Variants in ABCB7 observed in about 807,000 individuals in gnomAD.
The protein encoded by ABCB7 is ATP binding cassette subfamily B member 7.
A neutral mutation model predicts 54.4 loss-of-function variants in ABCB7; 7 were observed. That is an observed-to-expected ratio of 0.13 (90% CI 0.07 to 0.24). The LOEUF (loss-of-function observed/expected upper bound fraction) is 0.24, where lower values mean the gene tolerates loss of function less well. Ranked by LOEUF, ABCB7 falls within the 10% of genes least tolerant of loss-of-function variation. The pLI is 1.00. For missense variants in ABCB7, 356 were observed against 570.4 expected (o/e 0.62, Z 3.83); for synonymous variants, 218 against 207.1 (o/e 1.05, Z -0.45).
chrX:75,069,489 C>T (rs767219272), intron 10 of ABCB7, 35 bp from the exon 11 acceptor site: 1 of 1,181,403 alleles, frequency 8.5e-7, no homozygotes, highest in South Asian at 1.8e-5. Flanking sequence ...CCACTTTACG[C>T]ACTGCCTAGA....
intron 3 of ABCB7, among the ~76,000 whole-genome samples, chrX:75,108,668 C>T (rs2081727257): frequency 9.3e-6 from 1 of 107,841 alleles, no homozygotes; most frequent in Non-Finnish European, 1.9e-5. Flanking sequence ...ATTTTATTTA[C>T]TTTTTTTTCA....
At chrX:75,110,351 A>C (rs1032232726) in intron 3 of ABCB7, among the ~76,000 whole-genome samples, 18 of 111,966 alleles carry the variant, frequency 1.6e-4, no homozygotes, top group African/African-American at 5.5e-4. Flanking sequence ...TCACCATGTC[A>C]TCCAGGTATG....
chrX:75,109,880 C>T (rs1212043183), intron 3 of ABCB7, among the ~76,000 whole-genome samples: 1 of 111,607 alleles, frequency 9.0e-6, no homozygotes, highest in African/African-American at 3.3e-5. Context: ...TTAAAGATAA[C>T]AATGGATTTA....
At chrX:75,130,933 TAA>T (rs912129949) in intron 1 of ABCB7, among the ~76,000 whole-genome samples, 2 of 110,604 alleles carry the variant, frequency 1.8e-5, no homozygotes, top group Non-Finnish European at 3.8e-5. Context: ...TTTACAAAAA[TAA>T]AGAGATTCAT....
At chrX:75,124,641 T>A (rs757227980) in intron 1 of ABCB7, among the ~76,000 whole-genome samples, 1 of 111,820 alleles carries the variant, frequency 8.9e-6, no homozygotes, top group South Asian at 3.8e-4. Context: ...TGGGGACGAA[T>A]GTACAAAGAG....
intron 15 of ABCB7, among the ~76,000 whole-genome samples, chrX:75,058,729 G>A (rs2081260703): frequency 9.0e-6 from 1 of 111,521 alleles, no homozygotes; most frequent in African/African-American, 3.3e-5. Flanking sequence ...TATAGATACT[G>A]TGAATTACAT....
intron 1 of ABCB7, among the ~76,000 whole-genome samples, chrX:75,128,229 T>C (rs943345862): frequency 9.0e-5 from 10 of 111,528 alleles, no homozygotes; most frequent in African/African-American, 9.8e-5. Context: ...CAAAACAGCA[T>C]GATACTGGTA....
At chrX:75,104,773 C>A (rs1402947238) in intron 3 of ABCB7, among the ~76,000 whole-genome samples, 1 of 111,335 alleles carries the variant, frequency 9.0e-6, no homozygotes, top group Non-Finnish European at 1.9e-5. Context: ...GGCCAATATC[C>A]CTGATGAACA....
In ABCB7 at chrX:75,107,140, A is replaced by C. The variant is rs1341751838; in HGVS notation, c.333+5746T>G. Among the ~76,000 whole-genome samples, 10 of 111,579 alleles carry C rather than the reference A, an allele frequency of 9.0e-5. No individual in the cohort carries two copies. In the East Asian group the frequency reaches 1.1e-3, roughly 13 times the overall value. On this transcript the variant is annotated intron_variant, in intron 3 of 15. Coordinates refer to ENST00000373394, the MANE Select transcript of ABCB7 (RefSeq NM_001271696.3). ...AGAAAGGAACACCAGAAACAGGACG[A>C]AACTCAGCTGATGCCCGTCGGCAGA... is the stretch of plus-strand genomic sequence containing the variant.
intron 3 of ABCB7, among the ~76,000 whole-genome samples, chrX:75,104,047 GTT>G (rs757074347): frequency 3.7e-4 from 5 of 13,441 alleles, no homozygotes; most frequent in Non-Finnish European, 7.0e-4. Flanking sequence ...TCTTGTTACA[GTT>G]TTTTTTTTTT....
At chrX:75,071,726 ATTTAT>A (rs1325378235) in intron 8 of ABCB7, 43 bp from the exon 9 acceptor site, 7 of 928,291 alleles carry the variant, frequency 7.5e-6, no homozygotes, top group African/African-American at 2.0e-5. Flanking sequence ...TATAATTAGA[ATTTAT>A]TCTCTTAAGT....
intron 15 of ABCB7, among the ~76,000 whole-genome samples, chrX:75,056,138 A>G (rs2081237994): frequency 8.9e-6 from 1 of 111,772 alleles, no homozygotes; most frequent in African/African-American, 3.3e-5. Flanking sequence ...CTCTATTTTC[A>G]AGGTATTTTT....
chrX:75,113,731 A>G (rs2081782970), intron 2 of ABCB7, among the ~76,000 whole-genome samples: 1 of 111,957 alleles, frequency 8.9e-6, no homozygotes, highest in Admixed American at 9.5e-5. Flanking sequence ...TATCAATATC[A>G]TACATAGCAT....
intron 1 of ABCB7, among the ~76,000 whole-genome samples, chrX:75,117,169 C>T (rs2081828290): frequency 9.0e-6 from 1 of 110,899 alleles, no homozygotes. Flanking sequence ...ATCCAAGAAC[C>T]CTCTCTTGGG....
intron 4 of ABCB7, among the ~76,000 whole-genome samples, chrX:75,090,234 G>A (rs771774933): frequency 9.2e-6 from 1 of 108,938 alleles, no homozygotes; most frequent in Non-Finnish European, 1.9e-5. Context: ...ATCATTCACC[G>A]AGATAAATGA....
chrX:75,075,620 T>G lies in ABCB7; in HGVS notation c.597A>C (p.Ser199=). 8.3e-7 allele frequency: 1 copy of G among 1,207,059 alleles called. No homozygotes were observed. The highest frequency in any genetic ancestry group is 1.1e-6 in the Non-Finnish European group (1 of 891,545). The change falls in exon 6 of 16, where the codon TCA becomes TCC. Residue 199 remains serine, a synonymous_variant. Coordinates refer to ENST00000373394, the MANE Select transcript of ABCB7 (RefSeq NM_001271696.3). The stretch of plus-strand genomic sequence containing the variant: ...CGTTAAAAAAAGCAGCTCCAGCTCT[T>G]GATACACCATCTAACAATACATTCA... ...ATAVLIGYGV[S]RAGAAFFNEV... is the part of the protein sequence containing the mutation.
intron 4 of ABCB7, among the ~76,000 whole-genome samples, chrX:75,083,053 G>A (rs2081468660): frequency 9.0e-6 from 1 of 111,519 alleles, no homozygotes; most frequent in African/African-American, 3.2e-5. Flanking sequence ...TATTAGCGAT[G>A]AACAGTTAGA....
chrX:75,141,399 C>T (rs1357792574), intron 1 of ABCB7, among the ~76,000 whole-genome samples: 2 of 110,436 alleles, frequency 1.8e-5, no homozygotes, highest in African/African-American at 3.3e-5. Context: ...CTTTTTAAAT[C>T]GCTGTTTCTT....
chrX:75,070,539 A>G lies in ABCB7; in HGVS notation c.1208-17T>C, dbSNP rs1200346089. 8.4e-7 allele frequency: 1 copy of G among 1,197,370 alleles called. No individual in the cohort carries two copies. The highest frequency in any genetic ancestry group is 1.1e-6 in the Non-Finnish European group (1 of 884,358). On this transcript the variant is annotated splice_polypyrimidine_tract_variant and intron_variant, in intron 9 of 15. Transcript: ENST00000373394. ...TAAGGGTACCTTAAAAGGCAGAAGA[A>G]AAAAAGGGTATTTTAGATAAATGTT...
Sources: allele counts gnomAD v4.1 joint callset (sites outside exome capture counted in the v4.1 genomes callset), GRCh38; gene constraint gnomAD v4.1.1; transcripts MANE v1.5; gene names NCBI Gene and HGNC (gene_info 2026-07-23, HGNC 2026-07-21).